CAD: variants seen among roughly 807,000 people sequenced by gnomAD.
The protein encoded by CAD is multifunctional protein CAD.
In CAD, 81 loss-of-function variants were observed where a neutral mutation model predicts 237.2. That is an observed-to-expected ratio of 0.34 (90% CI 0.29 to 0.41). CAD has a LOEUF of 0.41. CAD is among the 10% of genes least tolerant of loss of function. The pLI is 1.00. For synonymous variants in CAD, 1,196 were observed against 1,162.8 expected, an observed-to-expected ratio of 1.03 and a Z score of -0.58; for missense variants, 2,181 against 2,951.7, an observed-to-expected ratio of 0.74 and a Z score of 6.05.
chr2:27,233,920 T>G lies in CAD; in HGVS notation c.3400-88T>G. 6.5e-7 allele frequency: 1 copy of G among 1,544,646 alleles called. No individual in the cohort carries two copies. Among genetic ancestry groups the G allele is most frequent in the Non-Finnish European group, 8.9e-7 (1 of 1,124,172 alleles). ...CACCAGGGCTGGGAACAGTGGGCTA[T>G]GTGGGGCTCGTTAAAGGAAGAGACA... is the stretch of plus-strand genomic sequence containing the variant. On this transcript the variant is annotated intron_variant, in intron 21 of 43. Coordinates refer to ENST00000264705, the MANE Select transcript of CAD (RefSeq NM_004341.5). The surrounding 1 kb of genome is among the most constrained non-coding windows in gnomAD (Gnocchi z 6.3).
At position 27,235,265 on chromosome 2, in the gene CAD, C is replaced by G. The variant is rs747707839; in HGVS notation, c.3807C>G (p.Ser1269=). 1.9e-6 allele frequency: 3 copies of G among 1,610,040 alleles called. No individual in the cohort carries two copies. In the African/African-American group the frequency reaches 4.0e-5, roughly 22 times the overall value. ...VGVKVPQFSF[S]RLAGADVVLG... Reference sequence around the variant, plus strand: ...TTTAGGTGCCTCAGTTCTCCTTCTCCCGCTTGGCGGGTGCTGACGTGGTGT... The same window carrying G: ...TTTAGGTGCCTCAGTTCTCCTTCTCGCGCTTGGCGGGTGCTGACGTGGTGT... Residue 1269 remains serine (S), a synonymous_variant, in exon 24 of 44, where the codon TCC becomes TCG. Coordinates refer to ENST00000264705, the MANE Select transcript of CAD (RefSeq NM_004341.5). The surrounding 1 kb of genome is among the most constrained non-coding windows in gnomAD (Gnocchi z 5.2).
At chr2:27,226,044 C>G (rs1422025957) in intron 12 of CAD, 87 bp from the exon 13 acceptor site, 5 of 1,492,802 alleles carry the variant, frequency 3.3e-6, no homozygotes, top group Non-Finnish European at 4.7e-6. Context: ...TTAGGTGCAG[C>G]CCCAGAGGTA....
intron 6 of CAD, 45 bp downstream of exon 6, chr2:27,223,082 G>A: frequency 6.3e-7 from 1 of 1,585,476 alleles, no homozygotes; most frequent in Non-Finnish European, 8.6e-7. Context: ...TGTGGCATGA[G>A]GGGTGGGGTG....
At chr2:27,221,608 C>A (rs778354999) in intron 3 of CAD, among the ~76,000 whole-genome samples, 1 of 152,138 alleles carries the variant, frequency 6.6e-6, no homozygotes, top group Non-Finnish European at 1.5e-5. Flanking sequence ...TGATGCAAAT[C>A]TCAGACATCA....
Position 27,238,570 on chromosome 2 carries a change from G to T in CAD, c.5000G>T (p.Arg1667Leu). 4 of 1,614,064 alleles carry T rather than the reference G, an allele frequency of 2.5e-6. No homozygotes were observed. The highest frequency in any genetic ancestry group is 1.7e-6 in the Non-Finnish European group (2 of 1,180,000). ...GAGGTCCGGCCTGAGCTTGGCTCCC[G>T]CCAGGATGTGGAAGCCCTGTGGGAG... ...KGEVRPELGSRQDVEALWENM... is the reference protein window; with the variant it reads ...KGEVRPELGSLQDVEALWENM... The change falls in exon 31 of 44, where the codon CGC becomes CTC. Residue 1667 changes from arginine to leucine, a missense_variant. Coordinates refer to ENST00000264705, the MANE Select transcript of CAD (RefSeq NM_004341.5).
Position 27,234,972 on chromosome 2 carries a change from C to T in CAD, c.3787-273C>T, listed in dbSNP as rs549949698. Among the ~76,000 whole-genome samples, 3 of 152,290 alleles carry T rather than the reference C, an allele frequency of 2.0e-5. No homozygotes were observed. The South Asian group carries it at 6.2e-4, about 32-fold the overall frequency. ...TTCAAGAGACAGGAGGTGCTGCTTCCAAAAGGGGTGATCTGGGAAGGCTTG... is the reference window on the plus strand; with the variant it reads ...TTCAAGAGACAGGAGGTGCTGCTTCTAAAAGGGGTGATCTGGGAAGGCTTG... On this transcript the variant is annotated intron_variant, in intron 23 of 43. Coordinates refer to ENST00000264705, the MANE Select transcript of CAD (RefSeq NM_004341.5).
chr2:27,223,448 A>AGG, intron 6 of CAD, 115 bp from the exon 7 acceptor site: 1 of 984,434 alleles, frequency 1.0e-6, no homozygotes, highest in Non-Finnish European at 1.5e-6. Context: ...AAAAAAAAAC[A>AGG]AAAAGGAAAC....
Position 27,240,197 on chromosome 2 carries a change from C to A in CAD, c.5497-68C>A. On this transcript the variant is annotated intron_variant, in intron 34 of 43. Coordinates refer to ENST00000264705, the MANE Select transcript of CAD (RefSeq NM_004341.5). This position sits in a 1 kb window ranked among gnomAD's most constrained non-coding sequence, Gnocchi z 4.6. ...TCACGCCACTGCACTCCAGCCTGAG[C>A]GACAGAACGAGACTCCGTCTCAAAA... 2 of 1,319,954 alleles carry A rather than the reference C, an allele frequency of 1.5e-6. No homozygotes were observed. Among genetic ancestry groups the A allele is most frequent in the Non-Finnish European group, 2.1e-6 (2 of 933,158 alleles). The allele number at this position is 1,319,954 out of a possible 1,614,324, so 81.8% of individuals were successfully genotyped here.
chr2:27,222,077 G>A, intron 3 of CAD, 117 bp from the exon 4 acceptor site: 1 of 962,394 alleles, frequency 1.0e-6, no homozygotes, highest in Non-Finnish European at 1.6e-6. Context: ...GGATTTTGAT[G>A]CACATAGAAC....
chr2:27,218,024 C>T lies in CAD; in HGVS notation c.222+8C>T, dbSNP rs1344741184. On this transcript the variant is annotated splice_region_variant and intron_variant, in intron 2 of 43. Transcript: ENST00000264705. ...GAGTTCGGTCTCTGCAAGGTAGCCA[C>T]ACCCAGTGCTTTCTCTACATTCCTT... 1 of 1,585,390 alleles carries T rather than the reference C, an allele frequency of 6.3e-7. No individual in the cohort carries two copies. The highest frequency in any genetic ancestry group is 8.6e-7 in the Non-Finnish European group (1 of 1,168,136).
rs1409720557 is a variant in CAD at position 27,242,734 on chromosome 2, C to T, written c.6337C>T (p.Pro2113Ser). 1.2e-6 allele frequency: 2 copies of T among 1,614,228 alleles called. No homozygotes were observed. The highest frequency in any genetic ancestry group is 1.1e-5 in the South Asian group (1 of 91,086). ...GGCACCTCCCAGCCTGCGCATGCCA[C>T]CCACTGTGCGGGCCTTCGTGGCCTC... The part of the protein sequence containing the change: ...YVAPPSLRMP[P>S]TVRAFVASRG... The change falls in exon 41 of 44, where the codon CCC becomes TCC. Residue 2113 changes from proline to serine, a missense_variant. By Grantham distance (74) the Pro-to-Ser change is moderately conservative. This residue lies in a region of CAD where 170 missense variants were observed against 212.1 expected (regional missense o/e 0.80). Transcript: ENST00000264705. The surrounding 1 kb of genome is among the most constrained non-coding windows in gnomAD (Gnocchi z 6.4).
rs753017773 is a variant in CAD, at chr2:27,242,254, TGGG to T, written c.6097-44_6097-42del. ...ACCCCAGAAGAGGGGGACTGGCAGT[TGGG>T]GGGCCTCTGAGCTGCAAAAGACAGG... On this transcript the variant is annotated intron_variant, in intron 39 of 43. Transcript: ENST00000264705. This position sits in a 1 kb window ranked among gnomAD's most constrained non-coding sequence, Gnocchi z 6.4. The T allele has an allele frequency of 4.4e-6, 7 of 1,586,310 alleles. No individual in the cohort carries two copies. The South Asian group carries it at 5.7e-5, about 13-fold the overall frequency.
chr2:27,237,803 G>A lies in CAD; in HGVS notation c.4649G>A (p.Gly1550Glu), dbSNP rs1450452342. ...GCAGGAACCTTGGGCACCGTGGCCG[G>A]GTCTGCAGCCGGGCTGAAGCTTTAC... ...ENAGTLGTVA[G>E]SAAGLKLYLN... The change falls in exon 29 of 44, where the codon GGG becomes GAG. Residue 1550 changes from glycine (G) to glutamate (E), a missense_variant. Transcript: ENST00000264705. This position sits in a 1 kb window ranked among gnomAD's most constrained non-coding sequence, Gnocchi z 4.0. 1 of 1,614,246 alleles carries A rather than the reference G, an allele frequency of 6.2e-7. No homozygotes were observed. The highest frequency in any genetic ancestry group is 1.7e-5 in the Admixed American group (1 of 60,032).
intron 22 of CAD, 83 bp downstream of exon 22, chr2:27,234,309 G>A (rs1675901086): frequency 1.5e-6 from 2 of 1,350,014 alleles, no homozygotes; most frequent in Non-Finnish European, 2.1e-6. Context: ...GCCCTGCACT[G>A]TCTCCTGCCT....
Position 27,242,103 on chromosome 2 carries a change from C to A in CAD, c.6076C>A (p.Pro2026Thr). Residue 2026 changes from proline (P) to threonine (T), a missense_variant, in exon 39 of 44, where the codon CCC (proline) becomes ACC (threonine). Pro to Thr is a conservative substitution (Grantham distance 38). Coordinates refer to ENST00000264705, the MANE Select transcript of CAD (RefSeq NM_004341.5). The surrounding 1 kb of genome is among the most constrained non-coding windows in gnomAD (Gnocchi z 6.4). ...TGCCGACGTCGTCGTGCTCCGGCAC[C>A]CCCAGCCTGGAGCAGTGGAGGTGAG... ...CYADVVVLRHPQPGAVELAAK... is the reference protein window; with the variant it reads ...CYADVVVLRHTQPGAVELAAK... The A allele has an allele frequency of 6.2e-7, 1 of 1,612,920 alleles. No homozygotes were observed. The highest frequency in any genetic ancestry group is 8.5e-7 in the Non-Finnish European group (1 of 1,179,996).
Position 27,239,691 on chromosome 2 carries a change from C to G in CAD, c.5395-6C>G. 6.4e-7 allele frequency: 1 copy of G among 1,572,154 alleles called. No homozygotes were observed. The highest frequency in any genetic ancestry group is 8.6e-7 in the Non-Finnish European group (1 of 1,157,180). On this transcript the variant is annotated splice_polypyrimidine_tract_variant and splice_region_variant and intron_variant, in intron 33 of 43. Transcript: ENST00000264705. This position sits in a 1 kb window ranked among gnomAD's most constrained non-coding sequence, Gnocchi z 4.0. ...CCCTCCTGAGTGCCCTGCCTTCTGC[C>G]TGCAGGTTCTGGTACCCCCGGGCTA...
intron 15 of CAD, among the ~76,000 whole-genome samples, chr2:27,228,016 T>A (rs1440022037): frequency 6.6e-6 from 1 of 152,260 alleles, no homozygotes; most frequent in Non-Finnish European, 1.5e-5. Context: ...ATAAAAAGTC[T>A]TACAACCACA....
Position 27,242,289 on chromosome 2 carries a change from C to T in CAD, c.6097-13C>T, listed in dbSNP as rs1392014093. 1.2e-6 allele frequency: 2 copies of T among 1,603,388 alleles called. No individual in the cohort carries two copies. Among genetic ancestry groups the T allele is most frequent in the African/African-American group, 1.3e-5 (1 of 74,804 alleles). ...CTGAGCTGCAAAAGACAGGATTTTC[C>T]CCTTTTTTCCAGCTGGCCGCCAAGC... is the stretch of plus-strand genomic sequence containing the variant. On this transcript the variant is annotated splice_polypyrimidine_tract_variant and intron_variant, in intron 39 of 43. Coordinates refer to ENST00000264705, the MANE Select transcript of CAD (RefSeq NM_004341.5). The surrounding 1 kb of genome is among the most constrained non-coding windows in gnomAD (Gnocchi z 6.4).
chr2:27,217,593 C>A lies in CAD; in HGVS notation c.42C>A (p.Gly14=). The change falls in exon 1 of 44, where the codon GGC becomes GGA. Residue 14 remains glycine (G), a synonymous_variant. Transcript: ENST00000264705. ...TGGAGGACGGGTCGGTCCTGCGGGGCCAGCCCTTTGGGGCCGCCGTGTCGA... is the reference window on the plus strand; with the variant it reads ...TGGAGGACGGGTCGGTCCTGCGGGGACAGCCCTTTGGGGCCGCCGTGTCGA... The part of the protein sequence containing the change: ...LVLEDGSVLR[G]QPFGAAVSTA... The A allele has an allele frequency of 6.2e-7, 1 of 1,608,898 alleles. No homozygotes were observed. Among genetic ancestry groups the A allele is most frequent in the Non-Finnish European group, 8.5e-7 (1 of 1,178,118 alleles).
Sources: gnomAD v4.1 joint callset for allele counts (sites outside exome capture counted in the v4.1 genomes callset) on GRCh38, gnomAD v4.1.1 for gene constraint, gnomAD v4.1.1 regional missense constraint, Gnocchi (gnomAD v3.1) non-coding constraint, MANE v1.5 for transcripts, NCBI Gene and HGNC (gene_info 2026-07-23, HGNC 2026-07-21) for gene names.